The following ASPG variants were observed in gnomAD, a reference collection of about 807,000 sequenced individuals.
ASPG encodes 60 kDa lysophospholipase.
A neutral mutation model predicts 63.2 loss-of-function variants in ASPG; 53 were observed. That is an observed-to-expected ratio of 0.84 (90% CI 0.67 to 1.05). The LOEUF (loss-of-function observed/expected upper bound fraction) is 1.05. Among genes scored for constraint, ASPG ranks in the 50% least tolerant of loss-of-function variants. The pLI, the probability that ASPG is intolerant of heterozygous loss-of-function variation, is 0.00. For missense variants in ASPG, 741 were observed against 794.4 expected, an observed-to-expected ratio of 0.93 and a Z score of 0.81; for synonymous variants, 370 against 355.0, an observed-to-expected ratio of 1.04 and a Z score of -0.48.
In ASPG at chr14:104,093,569, C is replaced by T. The variant is rs374153867; in HGVS notation, c.270C>T (p.Ile90=). ...QPLFDSSDMT[I]AEWVCLAQTI... ...TCTTCGACTCCAGTGACATGACCATCGCTGAGTGGGTTTGCCTTGCCCAGA... is the reference window on the plus strand; with the variant it reads ...TCTTCGACTCCAGTGACATGACCATTGCTGAGTGGGTTTGCCTTGCCCAGA... Residue 90 remains isoleucine, a synonymous_variant, in exon 3 of 16, where the codon ATC becomes ATT. Coordinates refer to ENST00000551177, the MANE Select transcript of ASPG (RefSeq NM_001080464.3). 5.5e-5 allele frequency: 89 copies of T among 1,611,570 alleles called. No individual in the cohort carries two copies. The highest frequency in any genetic ancestry group is 7.0e-5 in the Non-Finnish European group (82 of 1,179,262).
In ASPG at chr14:104,085,804, C is replaced by T. The variant is rs1413042013; in HGVS notation, c.34C>T (p.Leu12=). 2 of 1,590,070 alleles carry T rather than the reference C, an allele frequency of 1.3e-6. No homozygotes were observed. The highest frequency in any genetic ancestry group is 1.7e-5 in the Admixed American group (1 of 58,916). The change falls in exon 1 of 16, where the codon CTG becomes TTG. Residue 12 remains leucine, a synonymous_variant. Transcript: ENST00000551177. The stretch of plus-strand genomic sequence containing the variant: ...CGCGGTGGGGCCCGAGCGGAGGCTG[C>T]TGGCCGTCTACACCGGCGGCACCAT... ...ARAVGPERRL[L]AVYTGGTIGM...
chr14:104,103,113 C>T (rs949815588), intron 6 of ASPG, among the ~76,000 whole-genome samples: 1 of 152,256 alleles, frequency 6.6e-6, no homozygotes, highest in African/African-American at 2.4e-5. Context: ...TGCCTGTAAC[C>T]CAGCGCAGTG....
chr14:104,097,403 C>T lies in ASPG; in HGVS notation c.430-151C>T, dbSNP rs938255989. ...CCCCAAGGCACCCATCTCCAGGCTG[C>T]CTGCTGCAGTCCAAGCCCGCCTGTC... On this transcript the variant is annotated intron_variant, in intron 4 of 15. Coordinates refer to ENST00000551177, the MANE Select transcript of ASPG (RefSeq NM_001080464.3). 5 of 690,262 alleles carry T rather than the reference C, an allele frequency of 7.2e-6. No individual in the cohort carries two copies. The African/African-American group carries it at 9.2e-5, about 13-fold the overall frequency. The allele number at this position is 690,262 out of a possible 1,614,324, so 42.8% of individuals were successfully genotyped here. A position where few individuals can be genotyped will look rare whatever the true frequency, so the allele number is the denominator to read the frequency against.
Position 104,112,587 on chromosome 14 carries a change from A to G in ASPG, c.*43A>G. 2.5e-6 allele frequency: 4 copies of G among 1,604,354 alleles called. No individual in the cohort carries two copies. The highest frequency in any genetic ancestry group is 3.4e-6 in the Non-Finnish European group (4 of 1,177,320). On this transcript the variant is annotated 3_prime_UTR_variant, in exon 16 of 16. Transcript: ENST00000551177. ...GCAGTATAAGCCATTCCTTCCTCCC[A>G]TGACCTGCTGGAGGGGTCTCAGGCA... is the stretch of plus-strand genomic sequence containing the variant.
chr14:104,108,671 C>T (rs1429384739), intron 12 of ASPG: 4 of 985,322 alleles, frequency 4.1e-6, no homozygotes, highest in Non-Finnish European at 4.8e-6. Context: ...CTCTGCTCCT[C>T]CTTGCTAGAG....
At chr14:104,103,192 C>T (rs565801131) in intron 6 of ASPG, among the ~76,000 whole-genome samples, 9 of 152,376 alleles carry the variant, frequency 5.9e-5, no homozygotes, top group African/African-American at 1.9e-4. Context: ...CGCCCCCATG[C>T]GGCCTGCAAG....
At chr14:104,102,298 C>T (rs986249837) in intron 6 of ASPG, among the ~76,000 whole-genome samples, 2 of 152,086 alleles carry the variant, frequency 1.3e-5, no homozygotes, top group African/African-American at 4.8e-5. Context: ...TCCCCAGCAC[C>T]CCACATCTCC....
rs1765729390 is a variant in ASPG at position 104,091,423 on chromosome 14, T to C, written c.83-1210T>C. Among the ~76,000 whole-genome samples, 1 of 152,138 alleles carries C rather than the reference T, an allele frequency of 6.6e-6. No individual in the cohort carries two copies. Among genetic ancestry groups the C allele is most frequent in the Admixed American group, 6.5e-5 (1 of 15,280 alleles). ...CCCCCGTCTGCTGGCTGAGCCCTAC[T>C]GGCGGGGTGATTTTGTCAGCGGCTG... On this transcript the variant is annotated intron_variant, in intron 1 of 15. Coordinates refer to ENST00000551177, the MANE Select transcript of ASPG (RefSeq NM_001080464.3). The surrounding 1 kb of genome is among the most constrained non-coding windows in gnomAD (Gnocchi z 6.4).
chr14:104,102,569 A>G (rs2036926365), intron 6 of ASPG, among the ~76,000 whole-genome samples: 1 of 151,972 alleles, frequency 6.6e-6, no homozygotes, highest in Non-Finnish European at 1.5e-5. Context: ...CAGCTCTGAC[A>G]CCTCACAGTG....
In ASPG at chr14:104,112,638, C is replaced by T. The variant is rs1390248161; in HGVS notation, c.*94C>T. On this transcript the variant is annotated 3_prime_UTR_variant, in exon 16 of 16. Coordinates refer to ENST00000551177, the MANE Select transcript of ASPG (RefSeq NM_001080464.3). ...TGACCCCACTGCTGGGGCTGCTTCC[C>T]AGCCTGCTCTCATGTAAAGCCTGAA... 6.4e-7 allele frequency: 1 copy of T among 1,559,620 alleles called. No homozygotes were observed. Among genetic ancestry groups the T allele is most frequent in the Non-Finnish European group, 8.6e-7 (1 of 1,157,692 alleles).
rs558654562 is a variant in ASPG, at chr14:104,110,336, C to T, written c.1520+1021C>T. ...GCAGCTCTGGCTTCTCCTCTGGGACCGGCCCACAACCCCTGGTCTTGCTTT... is the reference window on the plus strand; with the variant it reads ...GCAGCTCTGGCTTCTCCTCTGGGACTGGCCCACAACCCCTGGTCTTGCTTT... On this transcript the variant is annotated intron_variant, in intron 13 of 15. Coordinates refer to ENST00000551177, the MANE Select transcript of ASPG (RefSeq NM_001080464.3). The surrounding 1 kb of genome is among the most constrained non-coding windows in gnomAD (Gnocchi z 4.7). 2.2e-3 allele frequency: 2,130 copies of T among 985,304 alleles called. 2 individuals are homozygous for T. The highest frequency in any genetic ancestry group is 2.3e-3 in the Non-Finnish European group (1,948 of 829,894). The allele number at this position is 985,304 out of a possible 1,614,324, so 61.0% of individuals were successfully genotyped here.
At chr14:104,107,479 C>CGGGG (rs1844018174) in intron 12 of ASPG, 134 bp downstream of exon 12, 1 of 912,596 alleles carries the variant, frequency 1.1e-6, no homozygotes, top group African/African-American at 1.7e-5. Flanking sequence ...AGGCTGCCCC[C>CGGGG]GCAGCCCGGG....
intron 2 of ASPG, 183 bp from the exon 3 acceptor site, chr14:104,093,308 G>A (rs546877693): frequency 4.2e-5 from 28 of 672,126 alleles, no homozygotes; most frequent in Non-Finnish European, 7.3e-5. Flanking sequence ...TCTGTGGGGA[G>A]CTCCAGGTGG....
intron 1 of ASPG, among the ~76,000 whole-genome samples, chr14:104,090,146 C>A (rs192909807): frequency 6.6e-6 from 1 of 152,266 alleles, no homozygotes; most frequent in East Asian, 1.9e-4. Context: ...GAGAAGAGGA[C>A]ACCAAGAGAG....
intron 6 of ASPG, among the ~76,000 whole-genome samples, chr14:104,100,376 T>C (rs1443847970): frequency 6.6e-6 from 1 of 151,932 alleles, no homozygotes; most frequent in Admixed American, 6.6e-5. Context: ...GGCCTGTGTG[T>C]GGGAGTCCGG....
At chr14:104,093,313 A>G (rs1377077811) in intron 2 of ASPG, 178 bp from the exon 3 acceptor site, 2 of 675,908 alleles carry the variant, frequency 3.0e-6, no homozygotes, top group Admixed American at 4.2e-5. Flanking sequence ...GGGGAGCTCC[A>G]GGTGGAAGGG....
intron 13 of ASPG, chr14:104,111,011 G>A: frequency 1.0e-6 from 1 of 985,440 alleles, no homozygotes; most frequent in Non-Finnish European, 1.2e-6. Flanking sequence ...CCCCCTCTCT[G>A]AACCACTGGG....
chr14:104,098,730 GGGT>G (rs1422072270), intron 5 of ASPG, 120 bp from the exon 6 acceptor site: 1 of 1,443,124 alleles, frequency 6.9e-7, no homozygotes, highest in Non-Finnish European at 9.4e-7. Context: ...GCGGTGGGTG[GGGT>G]TACAGTCCCA....
In ASPG at chr14:104,104,327, C is replaced by T. The variant is rs2037018705; in HGVS notation, c.777C>T (p.Pro259=). Residue 259 remains proline (P), a synonymous_variant, in exon 8 of 16, where the codon CCC becomes CCT. Coordinates refer to ENST00000551177, the MANE Select transcript of ASPG (RefSeq NM_001080464.3). ...AALVRAFLQP[P]LKGVVMETFG... ...AGGTTCGGGCCTTCTTGCAGCCTCC[C>T]CTGAAGGGCGTGGTCATGGAGACCT... 5 of 1,612,356 alleles carry T rather than the reference C, an allele frequency of 3.1e-6. No homozygotes were observed. The highest frequency in any genetic ancestry group is 4.2e-6 in the Non-Finnish European group (5 of 1,179,702).
Sources: allele counts gnomAD v4.1 joint callset (sites outside exome capture counted in the v4.1 genomes callset), GRCh38; gene constraint gnomAD v4.1.1; non-coding constraint Gnocchi (gnomAD v3.1); transcripts MANE v1.5; gene names NCBI Gene and HGNC (gene_info 2026-07-23, HGNC 2026-07-21).